Variants in ITGAX observed in about 807,000 individuals in gnomAD.
ITGAX encodes integrin alpha-X.
Under a neutral mutation model 140.2 loss-of-function variants are expected in ITGAX, and 99 were observed. The ratio of observed to expected loss-of-function variants is 0.71; its 90% CI spans 0.60 to 0.83. The LOEUF is 0.83. Ranked by LOEUF, ITGAX falls within the 40% of genes least tolerant of loss-of-function variation. The pLI, the probability that ITGAX is intolerant of heterozygous loss-of-function variation, is 0.00. For missense variants in ITGAX, 1,444 were observed against 1,482.0 expected (o/e 0.97, Z 0.42); for synonymous variants, 631 against 600.4 (o/e 1.05, Z -0.75).
intron 14 of ITGAX, among the ~76,000 whole-genome samples, chr16:31,369,645 A>G (rs1823839080): frequency 6.6e-6 from 1 of 152,140 alleles, no homozygotes; most frequent in African/African-American, 2.4e-5. Flanking sequence ...GATTGTTAGC[A>G]TTTTTTACCA....
intron 9 of ITGAX, 36 bp from the exon 10 acceptor site, chr16:31,361,800 C>G (rs2080828967): frequency 2.5e-6 from 4 of 1,609,214 alleles, no homozygotes; most frequent in East Asian, 2.2e-5. Flanking sequence ...AAGCCCGTCT[C>G]CCTCCCTGGC....
chr16:31,381,077 C>A, intron 29 of ITGAX, 70 bp downstream of exon 29: 4 of 1,283,614 alleles, frequency 3.1e-6, no homozygotes, highest in Non-Finnish European at 3.4e-6. Flanking sequence ...TGAGAAGGAG[C>A]TCACTTTGAA....
In ITGAX at chr16:31,376,823, C is replaced by A. The variant is rs774961121; in HGVS notation, c.2533C>A (p.His845Asn). 8.7e-6 allele frequency: 14 copies of A among 1,614,112 alleles called. No individual in the cohort carries two copies. The highest frequency in any genetic ancestry group is 1.2e-5 in the Non-Finnish European group (14 of 1,180,050). ...GQKQGQLRSL[H>N]LTCDSAPVGS... ...GAAACAAGGGCAGCTGCGTTCCCTG[C>A]ACCTGACATGTGACAGCGCCCCAGT... The change falls in exon 21 of 30, where the codon CAC becomes AAC. Residue 845 changes from histidine (H) to asparagine (N), a missense_variant. Transcript: ENST00000268296.
intron 9 of ITGAX, 27 bp from the exon 10 acceptor site, chr16:31,361,809 G>A: frequency 6.2e-7 from 1 of 1,612,574 alleles, no homozygotes; most frequent in Non-Finnish European, 8.5e-7. Context: ...TCCCTCCCTG[G>A]CACTCAAGCG....
Position 31,356,636 on chromosome 16 carries a change from G to A in ITGAX, c.155G>A (p.Gly52Glu), listed in dbSNP as rs267604518. 1.9e-6 allele frequency: 3 copies of A among 1,597,646 alleles called. No individual in the cohort carries two copies. The change falls in exon 3 of 30, where the codon GGA (glycine) becomes GAA (glutamate). Residue 52 changes from glycine to glutamate, a missense_variant. Physicochemically the swap from Gly to Glu is moderately conservative, Grantham distance 98. Coordinates refer to ENST00000268296, the MANE Select transcript of ITGAX (RefSeq NM_000887.5). Reference sequence around the variant, plus strand: ...TTGTCTCCTCGCAGGGTGGTGGTTGGAGCCCCCCAAAAGATAACAGCTGCC... The same window carrying A: ...TTGTCTCCTCGCAGGGTGGTGGTTGAAGCCCCCCAAAAGATAACAGCTGCC... ...VQYANSWVVV[G>E]APQKITAANQ...
At chr16:31,369,299 C>T (rs1470204852) in intron 14 of ITGAX, among the ~76,000 whole-genome samples, 4 of 143,164 alleles carry the variant, frequency 2.8e-5, no homozygotes, top group Non-Finnish European at 6.0e-5. Flanking sequence ...ACCCCCCCCC[C>T]CACCTCCCTC....
At chr16:31,364,090 C>T (rs2080866949) in intron 14 of ITGAX, among the ~76,000 whole-genome samples, 1 of 152,160 alleles carries the variant, frequency 6.6e-6, no homozygotes, top group African/African-American at 2.4e-5. Flanking sequence ...GAACGAAGGG[C>T]TGCTTTTCTT....
In ITGAX at chr16:31,377,041, C is replaced by T. The variant is rs2081026215; in HGVS notation, c.2667C>T (p.Val889=). 1.9e-6 allele frequency: 3 copies of T among 1,614,226 alleles called. No individual in the cohort carries two copies. Among genetic ancestry groups the T allele is most frequent in the Non-Finnish European group, 2.5e-6 (3 of 1,180,032 alleles). ...CCTTTGACGTCTCCCCCAAGGCTGT[C>T]CTGGGAGACCGGCTGCTTCTGACAG... ...LATFDVSPKA[V]LGDRLLLTAN... is the part of the protein sequence containing the mutation. Residue 889 remains valine, a synonymous_variant, in exon 22 of 30, where the codon GTC becomes GTT. Transcript: ENST00000268296.
At position 31,380,265 on chromosome 16, in the gene ITGAX, G is replaced by A. The variant is rs1263268535; in HGVS notation, c.3061-1G>A. On this transcript the variant is annotated splice_acceptor_variant, in intron 26 of 29. Transcript: ENST00000268296. LOFTEE classifies it high-confidence loss of function. ...GCCCCATGCTATTTATCTGCCCCCA[G>A]GACTGCTCCATTGCTGGCTGCCTGC... 6.2e-7 allele frequency: 1 copy of A among 1,613,578 alleles called. No homozygotes were observed. The highest frequency in any genetic ancestry group is 8.5e-7 in the Non-Finnish European group (1 of 1,179,842).
intron 8 of ITGAX, 82 bp from the exon 9 acceptor site, chr16:31,360,981 G>A (rs945903224): frequency 1.5e-6 from 2 of 1,317,066 alleles, no homozygotes; most frequent in Admixed American, 1.9e-5. Context: ...GATCTTGTGG[G>A]GTTATTGGAA....
At chr16:31,357,908 C>T (rs989382244) in intron 5 of ITGAX, 25 of 198,868 alleles carry the variant, frequency 1.3e-4, no homozygotes, top group Non-Finnish European at 1.9e-4. Context: ...TGTGTGTGTG[C>T]GTGTGCACAT....
chr16:31,381,979 G>GTTGTTT lies in ITGAX; in HGVS notation c.*72_*73insTTGTTT. On this transcript the variant is annotated 3_prime_UTR_variant, in exon 30 of 30. Coordinates refer to ENST00000268296, the MANE Select transcript of ITGAX (RefSeq NM_000887.5). ...TTACTTACCCTCACCTGTCAGGCCT[G>GTTGTTT]ACGGGGAGGAACCACTGCACCACCG... 1 of 1,491,564 alleles carries GTTGTTT rather than the reference G, an allele frequency of 6.7e-7. No homozygotes were observed. Among genetic ancestry groups the GTTGTTT allele is most frequent in the Non-Finnish European group, 9.2e-7 (1 of 1,089,632 alleles). The allele number at this position is 1,491,564 out of a possible 1,614,324, so 92.4% of individuals were successfully genotyped here. A position where few individuals can be genotyped will look rare whatever the true frequency, so the allele number is the denominator to read the frequency against.
intron 14 of ITGAX, among the ~76,000 whole-genome samples, chr16:31,365,525 T>G (rs1033497424): frequency 6.6e-6 from 1 of 152,256 alleles, no homozygotes; most frequent in Non-Finnish European, 1.5e-5. Context: ...AGAACCAACC[T>G]TATTGAGCTG....
chr16:31,364,032 G>A (rs1417315330), intron 14 of ITGAX, among the ~76,000 whole-genome samples: 4 of 152,058 alleles, frequency 2.6e-5, no homozygotes, highest in Non-Finnish European at 5.9e-5. Context: ...CCCACCAAAT[G>A]CCCATCCCTG....
Position 31,361,795 on chromosome 16 carries a change from C to T in ITGAX, c.1013-41C>T, listed in dbSNP as rs77680471. 9,349 of 1,602,756 alleles carry T rather than the reference C, an allele frequency of 5.8e-3. 472 individuals carry two copies. In the African/African-American group the frequency reaches 0.11, roughly 18 times the overall value. On this transcript the variant is annotated intron_variant, in intron 9 of 29. Transcript: ENST00000268296. ...AAGTGTTCTTGGACCTGGCAAAGCC[C>T]GTCTCCCTCCCTGGCACTCAAGCGT...
chr16:31,371,264 G>T, intron 15 of ITGAX, 50 bp downstream of exon 15: 2 of 1,606,084 alleles, frequency 1.2e-6, no homozygotes, highest in Admixed American at 1.7e-5. Flanking sequence ...AGGTTCAGAT[G>T]GGGGTGCCCA....
At position 31,373,288 on chromosome 16, in the gene ITGAX, C is replaced by T. The variant is rs776439149; in HGVS notation, c.2406C>T (p.Asn802=). ...SLLVGSNLEL[N]AEVMVWNDGE... is the part of the protein sequence containing the mutation. ...TGGTGGGGAGTAACCTGGAGCTGAA[C>T]GCAGAAGTGATGGTGTGGAATGACG... Residue 802 remains asparagine, a synonymous_variant, in exon 20 of 30, where the codon AAC becomes AAT. Transcript: ENST00000268296. 1.4e-5 allele frequency: 22 copies of T among 1,613,498 alleles called. No homozygotes were observed. Among genetic ancestry groups the T allele is most frequent in the Middle Eastern group, 1.7e-4 (1 of 6,012 alleles).
chr16:31,359,597 A>G, intron 5 of ITGAX, 103 bp from the exon 6 acceptor site: 14 of 1,385,836 alleles, frequency 1.0e-5, no homozygotes, highest in East Asian at 6.9e-5. Flanking sequence ...CTAGGGGCTT[A>G]GGGGAGGAAG....
chr16:31,369,446 C>T (rs925656528), intron 14 of ITGAX, among the ~76,000 whole-genome samples: 1 of 152,240 alleles, frequency 6.6e-6, no homozygotes, highest in Non-Finnish European at 1.5e-5. Context: ...CAACCAGCAT[C>T]GCATGCTCCA....
Sources: allele counts gnomAD v4.1 joint callset (sites outside exome capture counted in the v4.1 genomes callset), GRCh38; gene constraint gnomAD v4.1.1; transcripts MANE v1.5; gene names NCBI Gene and HGNC (gene_info 2026-07-23, HGNC 2026-07-21).